Variants in PTBP3 observed in about 807,000 individuals in gnomAD.
PTBP3 encodes the protein polypyrimidine tract-binding protein 3.
A neutral mutation model predicts 58.7 loss-of-function variants in PTBP3; 20 were observed. The ratio of observed to expected loss-of-function variants is 0.34; its 90% confidence interval spans 0.24 to 0.50. The LOEUF is 0.50. Among genes scored for constraint, PTBP3 ranks in the 20% least tolerant of loss-of-function variants. PTBP3 has a pLI of 0.98. For synonymous variants in PTBP3, 185 were observed against 219.8 expected, an observed-to-expected ratio of 0.84 and a Z score of 1.40; for missense variants, 509 against 637.2, an observed-to-expected ratio of 0.80 and a Z score of 2.17.
chr9:112,244,516 A>T (rs992696327), intron 7 of PTBP3, among the ~76,000 whole-genome samples: 63 of 151,270 alleles, frequency 4.2e-4, no homozygotes, highest in African/African-American at 1.4e-3. Flanking sequence ...TCTACAAAAA[A>T]ATTTTTTTTT....
the PTBP3 span, among the ~76,000 whole-genome samples, chr9:112,353,003 C>A: frequency 1.3e-5 from 2 of 151,672 alleles, no homozygotes; most frequent in African/African-American, 4.8e-5. Context: ...CGGGTTCAAG[C>A]GATTCTCCTG....
intron 3 of PTBP3, among the ~76,000 whole-genome samples, chr9:112,274,283 A>G (rs1043366329): frequency 3.3e-5 from 5 of 152,222 alleles, no homozygotes; most frequent in Admixed American, 6.5e-5. Context: ...TTCATGCCCA[A>G]TGCTTACTAA....
chr9:112,364,963 G>A, the PTBP3 span, among the ~76,000 whole-genome samples: 1 of 152,054 alleles, frequency 6.6e-6, no homozygotes, highest in Non-Finnish European at 1.5e-5. Flanking sequence ...CCACAACCCA[G>A]CCTCTGGCAG....
chr9:112,289,051 A>G (rs1399136933), intron 2 of PTBP3, among the ~76,000 whole-genome samples: 1 of 152,234 alleles, frequency 6.6e-6, no homozygotes, highest in East Asian at 1.9e-4. Context: ...CTATCAGAAA[A>G]AAGGACTACA....
At chr9:112,365,117 T>C in the PTBP3 span, among the ~76,000 whole-genome samples, 1 of 152,266 alleles carries the variant, frequency 6.6e-6, no homozygotes, top group East Asian at 1.9e-4. Flanking sequence ...ACAGGATTTC[T>C]TTCTTCTTTA....
chr9:112,270,714 A>G (rs1827346378), intron 3 of PTBP3, among the ~76,000 whole-genome samples: 1 of 152,164 alleles, frequency 6.6e-6, no homozygotes, highest in South Asian at 2.1e-4. Context: ...TTGTGAAGAA[A>G]ATTTTTCAGT....
At chr9:112,224,602 A>T (rs1349079367) in intron 12 of PTBP3, among the ~76,000 whole-genome samples, 1 of 152,148 alleles carries the variant, frequency 6.6e-6, no homozygotes, top group African/African-American at 2.4e-5. Flanking sequence ...CCATATTTTC[A>T]ACTGTTTGCA....
At position 112,223,600 on chromosome 9, in the gene PTBP3, T is replaced by C. The variant is rs1197596740; in HGVS notation, c.*251A>G. ...AATAAGATTATTGAAAAAAAATTTT[T>C]TTCCTGATTTTCTTTTTCCTGAAGG... On this transcript the variant is annotated 3_prime_UTR_variant, in exon 14 of 14. Coordinates refer to ENST00000374257, the MANE Select transcript of PTBP3 (RefSeq NM_001163788.4). 8.5e-7 allele frequency: 1 copy of C among 1,174,886 alleles called. No homozygotes were observed. The highest frequency in any genetic ancestry group is 1.1e-6 in the Non-Finnish European group (1 of 938,336). 72.8% of individuals were successfully genotyped at this position (1,174,886 alleles called of 1,614,324 possible).
intron 3 of PTBP3, among the ~76,000 whole-genome samples, chr9:112,273,685 T>C (rs911084848): frequency 5.3e-5 from 8 of 152,118 alleles, no homozygotes; most frequent in Non-Finnish European, 1.0e-4. Flanking sequence ...CCAATTTTCA[T>C]AGTACAGAGT....
the PTBP3 span, among the ~76,000 whole-genome samples, chr9:112,377,915 T>C: frequency 6.6e-6 from 1 of 152,260 alleles, no homozygotes; most frequent in East Asian, 1.9e-4. Flanking sequence ...ATCTTGAGTA[T>C]GTCTTTTCAT....
chr9:112,334,169 G>A (rs906384743), upstream of PTBP3, among the ~76,000 whole-genome samples: 4 of 152,104 alleles, frequency 2.6e-5, no homozygotes, highest in Non-Finnish European at 5.9e-5. Flanking sequence ...CGACCGCTGG[G>A]ACCGACACCA....
At chr9:112,301,996 T>C (rs1036174407) in intron 1 of PTBP3, among the ~76,000 whole-genome samples, 2 of 152,188 alleles carry the variant, frequency 1.3e-5, no homozygotes, top group Non-Finnish European at 2.9e-5. Context: ...CAGTCATCAC[T>C]AACACCTGTG....
intron 7 of PTBP3, among the ~76,000 whole-genome samples, chr9:112,239,890 G>T: frequency 7.2e-6 from 1 of 139,492 alleles, no homozygotes; most frequent in Non-Finnish European, 1.5e-5. Flanking sequence ...AGGCAAGGAA[G>T]GATCGATCAG....
chr9:112,335,582 C>T (rs1224351501), upstream of PTBP3, among the ~76,000 whole-genome samples: 2 of 141,812 alleles, frequency 1.4e-5, no homozygotes, highest in African/African-American at 2.6e-5. Context: ...CCGCACCCAG[C>T]GACCTTTACC....
At chr9:112,346,603 T>G in the PTBP3 span, among the ~76,000 whole-genome samples, 1 of 152,232 alleles carries the variant, frequency 6.6e-6, no homozygotes, top group Non-Finnish European at 1.5e-5. Context: ...ACTTACAAAT[T>G]AAAGGGAAAA....
At chr9:112,359,301 G>T in the PTBP3 span, among the ~76,000 whole-genome samples, 5 of 151,566 alleles carry the variant, frequency 3.3e-5, no homozygotes, top group Admixed American at 1.3e-4. Flanking sequence ...AAAAAAATTA[G>T]CCGGGTATGA....
chr9:112,343,953 T>A, the PTBP3 span, among the ~76,000 whole-genome samples: 2 of 152,172 alleles, frequency 1.3e-5, no homozygotes, highest in African/African-American at 4.8e-5. Flanking sequence ...TATTTGACTA[T>A]ACATTCTTTA....
the PTBP3 span, among the ~76,000 whole-genome samples, chr9:112,378,159 A>G: frequency 5.9e-5 from 9 of 152,222 alleles, no homozygotes; most frequent in African/African-American, 2.2e-4. Flanking sequence ...AGGTTAATCA[A>G]GGTAATGGGG....
the PTBP3 span, among the ~76,000 whole-genome samples, chr9:112,374,960 T>C: frequency 2.0e-5 from 3 of 152,196 alleles, no homozygotes; most frequent in Non-Finnish European, 2.9e-5. Flanking sequence ...TGCTGGCAAA[T>C]TGGGCACTCA....
Sources: allele counts gnomAD v4.1 joint callset (sites outside exome capture counted in the v4.1 genomes callset), GRCh38; gene constraint gnomAD v4.1.1; transcripts MANE v1.5; gene names NCBI Gene and HGNC (gene_info 2026-07-23, HGNC 2026-07-21).